LSP1: variants seen among roughly 807,000 people sequenced by gnomAD.
The protein encoded by LSP1 is lymphocyte-specific protein 1.
Under a neutral mutation model 49.3 loss-of-function variants are expected in LSP1, and 32 were observed. That is an observed-to-expected ratio of 0.65 (90% confidence interval 0.49 to 0.87). The LOEUF is 0.87. LSP1 is among the 40% of genes least tolerant of loss of function. The pLI is 0.00. For missense variants in LSP1, 428 were observed against 442.6 expected, an observed-to-expected ratio of 0.97 and a Z score of 0.30; for synonymous variants, 179 against 178.8, an observed-to-expected ratio of 1.00 and a Z score of -0.01.
At position 1,887,680 on chromosome 11, in the gene LSP1, A is replaced by C. The variant is rs113790154; in HGVS notation, c.*13+104A>C. On this transcript the variant is annotated intron_variant, in intron 10 of 10. Coordinates refer to ENST00000311604, the MANE Select transcript of LSP1 (RefSeq NM_002339.3). ...GCCTGGAGCCCTGTTGCAGGCTACA[A>C]GGGTGGACTCCGAGTTGGCCAGAAC... 4 of 849,812 alleles carry C rather than the reference A, an allele frequency of 4.7e-6. No individual in the cohort carries two copies. The East Asian group carries it at 1.0e-4, about 22-fold the overall frequency. 52.6% of individuals were successfully genotyped at this position (849,812 alleles called of 1,614,324 possible). A position where few individuals can be genotyped will look rare whatever the true frequency, so the allele number is the denominator to read the frequency against.
chr11:1,871,867 C>A (rs1203547993), intron 1 of LSP1, among the ~76,000 whole-genome samples: 1 of 142,978 alleles, frequency 7.0e-6, no homozygotes, highest in Non-Finnish European at 1.5e-5. Flanking sequence ...GCTGTAGTCA[C>A]CCTGGCGCAC....
At chr11:1,890,224 G>A (rs1848936595) in intron 10 of LSP1, 3 of 716,662 alleles carry the variant, frequency 4.2e-6, no homozygotes, top group Non-Finnish European at 7.8e-6. Flanking sequence ...GCCACGTGGT[G>A]GATGATGGGG....
At chr11:1,880,338 G>A in intron 2 of LSP1, 114 bp downstream of exon 2, 2 of 1,266,648 alleles carry the variant, frequency 1.6e-6, no homozygotes, top group East Asian at 2.9e-5. Context: ...CAGGATGAGA[G>A]CGAGGAAGGG....
intron 1 of LSP1, chr11:1,866,409 T>C (rs1847789773): frequency 7.1e-7 from 1 of 1,400,348 alleles, no homozygotes; most frequent in African/African-American, 1.5e-5. Context: ...TCTGAGGAGT[T>C]GAGGGCAGCC....
chr11:1,887,619 C>G, intron 10 of LSP1, 43 bp downstream of exon 10: 3 of 1,501,274 alleles, frequency 2.0e-6, no homozygotes, highest in African/African-American at 1.4e-5. Flanking sequence ...GGTGCACACA[C>G]GTGCACTGTG....
At chr11:1,891,640 G>A (rs933082278) in intron 10 of LSP1, 133 bp from the exon 11 acceptor site, 3 of 153,900 alleles carry the variant, frequency 1.9e-5, no homozygotes, top group African/African-American at 7.2e-5. Flanking sequence ...GGTGGAGTGG[G>A]GGTGTGGGCA....
intron 8 of LSP1, 42 bp from the exon 9 acceptor site, chr11:1,887,195 C>G (rs1245824702): frequency 6.5e-6 from 9 of 1,394,874 alleles, no homozygotes; most frequent in South Asian, 2.5e-5. Flanking sequence ...TCCCCAAGAT[C>G]CAGGGGTCTG....
At chr11:1,889,139 G>T (rs1848876175) in intron 10 of LSP1, 1 of 643,654 alleles carries the variant, frequency 1.6e-6, no homozygotes. Context: ...GGCCATTCTG[G>T]CCACTTCACT....
chr11:1,857,747 T>C (rs532890992), intron 1 of LSP1, among the ~76,000 whole-genome samples: 3 of 152,280 alleles, frequency 2.0e-5, no homozygotes, highest in African/African-American at 7.2e-5. Context: ...ATGCCAGTCT[T>C]TGCCAAGCTA....
Position 1,880,099 on chromosome 11 carries a change from G to C in LSP1, c.66G>C (p.Gln22His). ...EREELLGPTA[Q>H]WSVEDEEEAV... The stretch of plus-strand genomic sequence containing the variant: ...TGTCCCCCACTAGGCCCACTGCTCA[G>C]TGGAGCGTGGAGGACGAGGAGGAGG... Residue 22 changes from glutamine (Q) to histidine (H), a missense_variant, in exon 2 of 11, where the codon CAG becomes CAC. Gln to His is a conservative substitution (Grantham distance 24). Coordinates refer to ENST00000311604, the MANE Select transcript of LSP1 (RefSeq NM_002339.3). 1 of 1,609,876 alleles carries C rather than the reference G, an allele frequency of 6.2e-7. No individual in the cohort carries two copies. The highest frequency in any genetic ancestry group is 1.7e-4 in the Middle Eastern group (1 of 6,046).
At chr11:1,859,273 C>A (rs1030994144) in intron 1 of LSP1, among the ~76,000 whole-genome samples, 2 of 152,142 alleles carry the variant, frequency 1.3e-5, no homozygotes, top group African/African-American at 4.8e-5. Flanking sequence ...GGGGTGGCTT[C>A]TAAGCCCAGT....
intron 1 of LSP1, among the ~76,000 whole-genome samples, chr11:1,875,409 G>A (rs1227951684): frequency 6.6e-6 from 1 of 152,204 alleles, no homozygotes; most frequent in Non-Finnish European, 1.5e-5. Context: ...TTCCTCCTGA[G>A]TGAGGGTCAC....
chr11:1,860,126 A>G (rs1847587944), intron 1 of LSP1, among the ~76,000 whole-genome samples: 1 of 152,236 alleles, frequency 6.6e-6, no homozygotes, highest in African/African-American at 2.4e-5. Flanking sequence ...CCATGAGCTT[A>G]TGAACCATGT....
At chr11:1,870,902 G>A (rs747527607) in intron 1 of LSP1, 65 of 985,874 alleles carry the variant, frequency 6.6e-5, no homozygotes, top group Non-Finnish European at 7.8e-5. Flanking sequence ...GTCCCAGCTG[G>A]CCCAGGCGCC....
chr11:1,890,929 T>C (rs1589837321), intron 10 of LSP1: 1 of 252,244 alleles, frequency 4.0e-6, no homozygotes, highest in East Asian at 7.6e-5. Flanking sequence ...CGCAACACCG[T>C]GTGGGCTGGG....
intron 1 of LSP1, among the ~76,000 whole-genome samples, chr11:1,874,848 G>T (rs1349667954): frequency 6.6e-6 from 1 of 152,090 alleles, no homozygotes; most frequent in Non-Finnish European, 1.5e-5. Flanking sequence ...GAAACAAGGA[G>T]AGGCCCGGCA....
chr11:1,870,165 G>T (rs1847939094), intron 1 of LSP1: 1 of 759,778 alleles, frequency 1.3e-6, no homozygotes, highest in Admixed American at 2.3e-5. Context: ...AGAGGACCAA[G>T]GCCGGTCCAC....
chr11:1,872,093 GGC>G (rs1418680829), intron 1 of LSP1, among the ~76,000 whole-genome samples: 17 of 143,020 alleles, frequency 1.2e-4, no homozygotes, highest in South Asian at 2.3e-4. Flanking sequence ...CTGTCTGGCT[GGC>G]GTGGGCACTT....
chr11:1,872,471 G>T lies in LSP1; in HGVS notation c.54-7616G>T, dbSNP rs187954127. Among the ~76,000 whole-genome samples, 460 of 132,856 alleles carry T rather than the reference G, an allele frequency of 3.5e-3. 6 individuals carry two copies. Among genetic ancestry groups the T allele is most frequent in the African/African-American group, 0.013 (436 of 34,226 alleles). 87.2% of individuals were successfully genotyped at this position (132,856 alleles called of 152,430 possible). A position where few individuals can be genotyped will look rare whatever the true frequency, so the allele number is the denominator to read the frequency against. On this transcript the variant is annotated intron_variant, in intron 1 of 10. Coordinates refer to ENST00000311604, the MANE Select transcript of LSP1 (RefSeq NM_002339.3). ...GTAGAGTTGGGGTCTGTCCGCTGGC[G>T]TGGGCACCTTTGGGATGGGGTGTGT...
Sources: allele counts gnomAD v4.1 joint callset (sites outside exome capture counted in the v4.1 genomes callset), GRCh38; gene constraint gnomAD v4.1.1; transcripts MANE v1.5; gene names NCBI Gene and HGNC (gene_info 2026-07-23, HGNC 2026-07-21).